The following P2RX1 variants were observed in gnomAD, a reference collection of about 807,000 sequenced individuals.
P2RX1 encodes the protein purinergic receptor P2X 1, also known as P2X purinoceptor 1.
P2RX1 carries 42 observed loss-of-function variants against 50.3 expected under a neutral mutation model. That is an observed-to-expected ratio of 0.83 (90% CI 0.65 to 1.08). The LOEUF is 1.08. P2RX1 is among the 50% of genes least tolerant of loss of function. The probability of loss-of-function intolerance (pLI) is 0.00; values close to 1 mark genes in which losing one functional copy is unlikely to be tolerated. For synonymous variants in P2RX1, 199 were observed against 202.6 expected (o/e 0.98, Z 0.15); for missense variants, 449 against 529.0 (o/e 0.85, Z 1.48).
chr17:3,902,300 A>T lies in P2RX1; in HGVS notation c.747+902T>A, dbSNP rs982477536. Reference sequence around the variant, plus strand: ...GCCACCACACCCAGATAATTTTTGTATTTTTTTTTTTTTGACAGAGTCTTG... The same window carrying T: ...GCCACCACACCCAGATAATTTTTGTTTTTTTTTTTTTTTGACAGAGTCTTG... On this transcript the variant is annotated intron_variant, in intron 7 of 11. Coordinates refer to ENST00000225538, the MANE Select transcript of P2RX1 (RefSeq NM_002558.4). Among the ~76,000 whole-genome samples the T allele has an allele frequency of 3.5e-4, 48 of 138,304 alleles. 1 individual carries two copies. Among genetic ancestry groups the T allele is most frequent in the Middle Eastern group, 3.7e-3 (1 of 270 alleles). 90.7% of individuals were successfully genotyped at this position (138,304 alleles called of 152,430 possible).
intron 1 of P2RX1, chr17:3,915,333 C>T: frequency 2.5e-6 from 1 of 394,642 alleles, no homozygotes; most frequent in South Asian, 1.8e-5. Flanking sequence ...CACTCAGCAC[C>T]AGGGACACAC....
At chr17:3,909,254 A>T (rs2056321566) in intron 1 of P2RX1, among the ~76,000 whole-genome samples, 1 of 151,368 alleles carries the variant, frequency 6.6e-6, no homozygotes, top group African/African-American at 2.4e-5. Flanking sequence ...CTGGTCTGGA[A>T]CTCCTGACCT....
intron 1 of P2RX1, among the ~76,000 whole-genome samples, chr17:3,907,857 C>A (rs1194453371): frequency 6.6e-6 from 1 of 152,050 alleles, no homozygotes. Flanking sequence ...TGTGTCCAAG[C>A]CAGAAGGAGC....
Position 3,901,823 on chromosome 17 carries a change from C to T in P2RX1, c.747+1379G>A, listed in dbSNP as rs145941719. ...CTCTGCCAGGTGTATAGGCTTCCCA[C>T]GTGCCAGGCAGCGAGGCACGCCACG... On this transcript the variant is annotated intron_variant, in intron 7 of 11. Coordinates refer to ENST00000225538, the MANE Select transcript of P2RX1 (RefSeq NM_002558.4). Among the ~76,000 whole-genome samples the T allele has an allele frequency of 1.3e-3, 195 of 152,134 alleles. 2 individuals carry two copies. In the East Asian group the frequency reaches 0.02, roughly 16 times the overall value.
chr17:3,914,527 C>T lies in P2RX1; in HGVS notation c.137+1562G>A, dbSNP rs2056417389. On this transcript the variant is annotated intron_variant, in intron 1 of 11. Transcript: ENST00000225538. The surrounding 1 kb of genome is among the most constrained non-coding windows in gnomAD (Gnocchi z 4.1). ...ATCTGAAAGCAGAACTAGGGAGCCGCAGGGGCAGAGAGAGGACAGCCTTCC... is the reference window on the plus strand; with the variant it reads ...ATCTGAAAGCAGAACTAGGGAGCCGTAGGGGCAGAGAGAGGACAGCCTTCC... Among the ~76,000 whole-genome samples the T allele has an allele frequency of 6.6e-6, 1 of 152,144 alleles. No homozygotes were observed. The highest frequency in any genetic ancestry group is 6.5e-5 in the Admixed American group (1 of 15,282).
intron 10 of P2RX1, 95 bp from the exon 11 acceptor site, chr17:3,898,205 G>C (rs2056069709): frequency 8.9e-7 from 1 of 1,121,346 alleles, no homozygotes; most frequent in African/African-American, 1.5e-5. Context: ...GTGAGGCCCT[G>C]GCTGGATCTG....
At chr17:3,906,511 A>G (rs1245169041) in intron 1 of P2RX1, among the ~76,000 whole-genome samples, 1 of 152,210 alleles carries the variant, frequency 6.6e-6, no homozygotes, top group Admixed American at 6.5e-5. Flanking sequence ...CACAGAATAA[A>G]TGCAGTATAG....
intron 2 of P2RX1, 87 bp from the exon 3 acceptor site, chr17:3,905,016 C>T: frequency 8.5e-7 from 1 of 1,169,948 alleles, no homozygotes; most frequent in South Asian, 1.3e-5. Flanking sequence ...CAGCAGAGGC[C>T]CCTAGAGCCC....
At chr17:3,911,291 T>TTTTC (rs35991376) in intron 1 of P2RX1, among the ~76,000 whole-genome samples, 28,082 of 151,180 alleles carry the variant, frequency 0.19, 2,975 homozygotes, top group East Asian at 0.27. Flanking sequence ...CCCGGTCTGT[T>TTTTC]TTTCTTTCTT....
chr17:3,907,819 C>T (rs1250734080), intron 1 of P2RX1, among the ~76,000 whole-genome samples: 1 of 152,176 alleles, frequency 6.6e-6, no homozygotes, highest in East Asian at 1.9e-4. Context: ...CCTCCTTGGG[C>T]CCCTTCCTCC....
Position 3,898,985 on chromosome 17 carries a change from A to T in P2RX1, c.915T>A (p.Arg305=). Residue 305 remains arginine (R), a synonymous_variant, in exon 9 of 12, where the codon CGT becomes CGA. Coordinates refer to ENST00000225538, the MANE Select transcript of P2RX1 (RefSeq NM_002558.4). ...RHFVENGTNY[R]HLFKVFGIRF... ...GAATCCCAAACACCTTGAAGAGGTGACGGTAGTTGGTCCCGTTCTCCACAA... is the reference window on the plus strand; with the variant it reads ...GAATCCCAAACACCTTGAAGAGGTGTCGGTAGTTGGTCCCGTTCTCCACAA... 1 of 1,613,536 alleles carries T rather than the reference A, an allele frequency of 6.2e-7. No homozygotes were observed. Among genetic ancestry groups the T allele is most frequent in the South Asian group, 1.1e-5 (1 of 91,048 alleles).
intron 1 of P2RX1, among the ~76,000 whole-genome samples, chr17:3,906,406 T>C (rs567017000): frequency 9.2e-5 from 14 of 152,252 alleles, no homozygotes; most frequent in South Asian, 2.1e-4. Flanking sequence ...GCTGGGATTA[T>C]AGGCATGAGC....
chr17:3,912,410 C>T (rs542075580), intron 1 of P2RX1, among the ~76,000 whole-genome samples: 1 of 152,186 alleles, frequency 6.6e-6, no homozygotes, highest in South Asian at 2.1e-4. Context: ...GGCTCACTGC[C>T]ATCTCCGCCC....
At position 3,898,410 on chromosome 17, in the gene P2RX1, C is replaced by T. The variant is rs2056073052; in HGVS notation, c.1032+74G>A. 3.4e-6 allele frequency: 4 copies of T among 1,185,066 alleles called. No individual in the cohort carries two copies. In the East Asian group the frequency reaches 9.6e-5, roughly 28 times the overall value. 73.4% of individuals were successfully genotyped at this position (1,185,066 alleles called of 1,614,324 possible). ...TAGGGTCAAGTTTTAGGGTGAGGGA[C>T]GTCTTGCTGCTACTGAATTGTGGAA... is the stretch of plus-strand genomic sequence containing the variant. On this transcript the variant is annotated intron_variant, in intron 10 of 11. Coordinates refer to ENST00000225538, the MANE Select transcript of P2RX1 (RefSeq NM_002558.4).
chr17:3,906,251 C>T (rs924672567), intron 1 of P2RX1, among the ~76,000 whole-genome samples: 12 of 152,172 alleles, frequency 7.9e-5, no homozygotes, highest in Admixed American at 7.9e-4. Context: ...CCTGTCTCAG[C>T]CTCCTGAGTA....
chr17:3,907,533 C>A (rs1006884567), intron 1 of P2RX1, among the ~76,000 whole-genome samples: 5 of 152,136 alleles, frequency 3.3e-5, no homozygotes, highest in Non-Finnish European at 7.4e-5. Flanking sequence ...AGAGTCACCT[C>A]TCTCCCTGCT....
intron 7 of P2RX1, among the ~76,000 whole-genome samples, chr17:3,902,922 C>G (rs1402137351): frequency 2.1e-5 from 3 of 145,234 alleles, no homozygotes; most frequent in East Asian, 1.9e-4. Context: ...CTGCTTTTAT[C>G]TAGTTTTTTT....
chr17:3,906,234 C>T (rs761984712), intron 1 of P2RX1, among the ~76,000 whole-genome samples: 4 of 152,152 alleles, frequency 2.6e-5, no homozygotes, highest in Non-Finnish European at 4.4e-5. Flanking sequence ...CGGGTTCAAG[C>T]GATTCTCCTG....
rs1240375354 is a variant in P2RX1, at chr17:3,902,844, A to G, written c.747+358T>C. Among the ~76,000 whole-genome samples the G allele has an allele frequency of 7.3e-5, 11 of 150,044 alleles. No homozygotes were observed. The East Asian group carries it at 1.6e-3, about 21-fold the overall frequency. ...GACTAGTCTCAAACTCCTGACCTCA[A>G]GTGATCCACCCGCCTCTGACTCCCA... On this transcript the variant is annotated intron_variant, in intron 7 of 11. Transcript: ENST00000225538.
Sources: gnomAD v4.1 joint callset for allele counts (sites outside exome capture counted in the v4.1 genomes callset) on GRCh38, gnomAD v4.1.1 for gene constraint, Gnocchi (gnomAD v3.1) non-coding constraint, MANE v1.5 for transcripts, NCBI Gene and HGNC (gene_info 2026-07-23, HGNC 2026-07-21) for gene names.